SLC6A6: variants seen among roughly 807,000 people sequenced by gnomAD.
SLC6A6 encodes the protein solute carrier family 6 member 6.
A neutral mutation model predicts 68.8 loss-of-function variants in SLC6A6; 16 were observed. The observed-to-expected ratio is 0.23, with a 90% CI of 0.16 to 0.35. SLC6A6 has a LOEUF of 0.35. Among genes scored for constraint, SLC6A6 ranks in the 10% least tolerant of loss-of-function variants. The pLI, the probability that SLC6A6 is intolerant of heterozygous loss-of-function variation, is 1.00. For missense variants in SLC6A6, 474 were observed against 802.8 expected (o/e 0.59, Z 4.95); for synonymous variants, 312 against 315.4 (o/e 0.99, Z 0.12).
At chr3:14,406,016 T>C (rs1240285701) in intron 1 of SLC6A6, among the ~76,000 whole-genome samples, 1 of 149,258 alleles carries the variant, frequency 6.7e-6, no homozygotes, top group Non-Finnish European at 1.5e-5. Flanking sequence ...TGCCATTGTC[T>C]GTGGGTGGAG....
chr3:14,407,094 GGCTGGAGT>G (rs1699127018), intron 1 of SLC6A6, among the ~76,000 whole-genome samples: 1 of 151,888 alleles, frequency 6.6e-6, no homozygotes, highest in African/African-American at 2.4e-5. Context: ...TCGTTGCCCA[GGCTGGAGT>G]GCAGTGGTGC....
At chr3:14,457,905 A>T in intron 5 of SLC6A6, 45 bp from the exon 6 acceptor site, 1 of 1,608,804 alleles carries the variant, frequency 6.2e-7, no homozygotes, top group Non-Finnish European at 8.5e-7. Context: ...TCTCTACTCC[A>T]GGGCCAGGCC....
chr3:14,487,898 T>C lies in SLC6A6; in HGVS notation c.*2891T>C, dbSNP rs114016045. ...TTCCTGACAACCAAAGACAAGCCTT[T>C]ATGGAAAAGGAAATGCGCTCCCCTC... On this transcript the variant is annotated 3_prime_UTR_variant, in exon 15 of 15. Coordinates refer to ENST00000622186, the MANE Select transcript of SLC6A6 (RefSeq NM_003043.6). 1,214 of 152,620 alleles carry C rather than the reference T, an allele frequency of 8.0e-3. 15 individuals carry two copies. The highest frequency in any genetic ancestry group is 0.028 in the African/African-American group (1,153 of 41,508). 9.5% of individuals were successfully genotyped at this position (152,620 alleles called of 1,614,324 possible). A position where few individuals can be genotyped will look rare whatever the true frequency, so the allele number is the denominator to read the frequency against.
chr3:14,484,815 G>T, intron 14 of SLC6A6, 52 bp from the exon 15 acceptor site: 1 of 1,595,780 alleles, frequency 6.3e-7, no homozygotes. Context: ...CTGGCGAAGG[G>T]GAGACCAGGC....
intron 1 of SLC6A6, among the ~76,000 whole-genome samples, chr3:14,416,049 T>C (rs1699356426): frequency 6.6e-6 from 1 of 152,136 alleles, no homozygotes; most frequent in Non-Finnish European, 1.5e-5. Context: ...GACTAAGTTT[T>C]GGGGACCCTG....
At chr3:14,413,798 A>C (rs893537339) in intron 1 of SLC6A6, among the ~76,000 whole-genome samples, 2 of 152,206 alleles carry the variant, frequency 1.3e-5, no homozygotes, top group African/African-American at 4.8e-5. Context: ...TGTCATCTGC[A>C]TCCTTCCTCT....
At chr3:14,478,102 AGT>A (rs966862578) in intron 11 of SLC6A6, among the ~76,000 whole-genome samples, 3 of 151,986 alleles carry the variant, frequency 2.0e-5, no homozygotes, top group African/African-American at 7.3e-5. Context: ...CAGAAGTAAA[AGT>A]GTTTTTCTGG....
At chr3:14,469,270 G>A (rs774923858) in intron 9 of SLC6A6, among the ~76,000 whole-genome samples, 1 of 152,058 alleles carries the variant, frequency 6.6e-6, no homozygotes, top group Non-Finnish European at 1.5e-5. Context: ...GGGCTACCTG[G>A]AGGTGGCAAG....
In SLC6A6 at chr3:14,428,391, T is replaced by A. The variant is rs537911544; in HGVS notation, c.-12+11938T>A. ...CTCAGAGCCCAGGCTGCCCATGAGT[T>A]GAGGAAGAATGCCGGTCAATTTTGT... On this transcript the variant is annotated intron_variant, in intron 2 of 14. Coordinates refer to ENST00000622186, the MANE Select transcript of SLC6A6 (RefSeq NM_003043.6). 4.6e-5 allele frequency among the ~76,000 whole-genome samples: 7 copies of A among 152,318 alleles called. No individual in the cohort carries two copies. In the South Asian group the frequency reaches 1.5e-3, roughly 32 times the overall value.
At chr3:14,484,773 A>G in intron 14 of SLC6A6, 94 bp from the exon 15 acceptor site, 1 of 1,333,110 alleles carries the variant, frequency 7.5e-7, no homozygotes, top group Non-Finnish European at 1.1e-6. Context: ...ACCAAACAGC[A>G]CATGAGCCAA....
intron 2 of SLC6A6, among the ~76,000 whole-genome samples, chr3:14,441,058 C>T (rs1361013393): frequency 6.6e-6 from 1 of 152,170 alleles, no homozygotes; most frequent in Non-Finnish European, 1.5e-5. Flanking sequence ...ACCCCAGTTG[C>T]TCCTCCTCCA....
intron 2 of SLC6A6, among the ~76,000 whole-genome samples, chr3:14,439,362 G>A: frequency 6.6e-6 from 1 of 152,222 alleles, no homozygotes; most frequent in East Asian, 1.9e-4. Context: ...ATATTAAACA[G>A]GGAGACAGCA....
At chr3:14,475,518 G>A (rs565558623) in intron 10 of SLC6A6, among the ~76,000 whole-genome samples, 5 of 152,248 alleles carry the variant, frequency 3.3e-5, no homozygotes, top group South Asian at 2.1e-4. Flanking sequence ...CCCATTTCAC[G>A]GAGAGGCAAG....
chr3:14,445,994 G>C, intron 4 of SLC6A6, 143 bp downstream of exon 4: 2 of 811,134 alleles, frequency 2.5e-6, no homozygotes, highest in Non-Finnish European at 3.9e-6. Context: ...AGCCAGTACA[G>C]TACCAGTGTG....
intron 2 of SLC6A6, among the ~76,000 whole-genome samples, chr3:14,430,849 T>C (rs1460247252): frequency 1.3e-5 from 2 of 152,180 alleles, no homozygotes; most frequent in Non-Finnish European, 2.9e-5. Context: ...GATGGGGCCG[T>C]CTGTGGAGGA....
At chr3:14,422,160 G>T (rs968874840) in intron 2 of SLC6A6, among the ~76,000 whole-genome samples, 2 of 152,106 alleles carry the variant, frequency 1.3e-5, no homozygotes, top group Non-Finnish European at 2.9e-5. Context: ...AGCAAGCACC[G>T]CCAGGATCCC....
At chr3:14,424,852 T>C (rs927858151) in intron 2 of SLC6A6, among the ~76,000 whole-genome samples, 2 of 151,900 alleles carry the variant, frequency 1.3e-5, no homozygotes, top group Admixed American at 6.6e-5. Context: ...GCCCGTGAAG[T>C]GCATTGGGAG....
Position 14,445,744 on chromosome 3 carries a change from T to C in SLC6A6, c.257T>C (p.Phe86Ser). 1 of 1,614,256 alleles carries C rather than the reference T, an allele frequency of 6.2e-7. No individual in the cohort carries two copies. Among genetic ancestry groups the C allele is most frequent in the South Asian group, 1.1e-5 (1 of 91,082 alleles). ...GGAFLIPYFI[F>S]LFGSGLPVFF... ...GCGTTTCTCATACCGTATTTTATTT[T>C]CCTGTTTGGGAGCGGCCTGCCTGTG... Residue 86 changes from phenylalanine to serine, a missense_variant, in exon 4 of 15, where the codon TTC (phenylalanine) becomes TCC (serine). Physicochemically the swap from Phe to Ser is radical, Grantham distance 155. Transcript: ENST00000622186.
chr3:14,470,734 C>T (rs755289586), intron 9 of SLC6A6, among the ~76,000 whole-genome samples: 3 of 152,128 alleles, frequency 2.0e-5, no homozygotes, highest in Non-Finnish European at 4.4e-5. Flanking sequence ...GGAAACGCCG[C>T]GGCTTTTGAC....
Sources: gnomAD v4.1 joint callset for allele counts (sites outside exome capture counted in the v4.1 genomes callset) on GRCh38, gnomAD v4.1.1 for gene constraint, MANE v1.5 for transcripts, NCBI Gene and HGNC (gene_info 2026-07-23, HGNC 2026-07-21) for gene names.